Variants in TSNARE1 observed in about 807,000 individuals in gnomAD.
TSNARE1 encodes the protein t-SNARE domain-containing protein 1.
A neutral mutation model predicts 62.0 loss-of-function variants in TSNARE1; 49 were observed. That is an observed-to-expected ratio of 0.79 (90% CI 0.63 to 1.00). TSNARE1 has a LOEUF of 1.00. Among genes scored for constraint, TSNARE1 ranks in the 50% least tolerant of loss-of-function variants. The probability of loss-of-function intolerance (pLI) is 0.00; values close to 1 mark genes in which losing one functional copy is unlikely to be tolerated. For missense variants in TSNARE1, 755 were observed against 700.1 expected, an observed-to-expected ratio of 1.08 and a Z score of -0.88; for synonymous variants, 328 against 294.4, an observed-to-expected ratio of 1.11 and a Z score of -1.17.
At chr8:142,394,351 C>T (rs1837751375) in intron 1 of TSNARE1, among the ~76,000 whole-genome samples, 1 of 152,210 alleles carries the variant, frequency 6.6e-6, no homozygotes, top group African/African-American at 2.4e-5. Flanking sequence ...CTCTTACTCC[C>T]CATCTGTAAA....
Position 142,300,477 on chromosome 8 carries a change from C to T in TSNARE1, c.1290+9G>A, listed in dbSNP as rs770394476. 6.3e-7 allele frequency: 1 copy of T among 1,597,916 alleles called. No homozygotes were observed. Among genetic ancestry groups the T allele is most frequent in the East Asian group, 2.2e-5 (1 of 44,748 alleles). On this transcript the variant is annotated intron_variant, in intron 10 of 13. Coordinates refer to ENST00000524325, the MANE Select transcript of TSNARE1 (RefSeq NM_145003.5). ...GGAGAGTGAGCACGCTTGCCCACGCCAGCCTCACCTCCATCTGCAGGATGG... is the reference window on the plus strand; with the variant it reads ...GGAGAGTGAGCACGCTTGCCCACGCTAGCCTCACCTCCATCTGCAGGATGG...
At chr8:142,377,834 GT>G (rs1417302457) in intron 1 of TSNARE1, among the ~76,000 whole-genome samples, 2 of 152,238 alleles carry the variant, frequency 1.3e-5, no homozygotes, top group African/African-American at 4.8e-5. Flanking sequence ...AGCTGGAAAC[GT>G]CCTAAAGACT....
At chr8:142,336,153 C>T (rs1488961071) in intron 4 of TSNARE1, among the ~76,000 whole-genome samples, 2 of 151,928 alleles carry the variant, frequency 1.3e-5, no homozygotes, top group Non-Finnish European at 1.5e-5. Flanking sequence ...TGGTGATGTA[C>T]ACCTGCAGTC....
chr8:142,307,805 C>G (rs1437278909), intron 9 of TSNARE1, among the ~76,000 whole-genome samples: 1 of 152,168 alleles, frequency 6.6e-6, no homozygotes, highest in Non-Finnish European at 1.5e-5. Flanking sequence ...GAACAGTGTT[C>G]CAAAGTGGTG....
chr8:142,317,438 C>T (rs1477922554), intron 7 of TSNARE1, among the ~76,000 whole-genome samples: 2 of 149,706 alleles, frequency 1.3e-5, no homozygotes, highest in East Asian at 2.0e-4. Flanking sequence ...ACACATCAAG[C>T]GGGTGTGGGC....
At chr8:142,282,555 A>G (rs954545652) in intron 11 of TSNARE1, among the ~76,000 whole-genome samples, 122 of 112,784 alleles carry the variant, frequency 1.1e-3, no homozygotes, top group South Asian at 1.8e-3. Flanking sequence ...CAGAGGCGGG[A>G]CCAGTGTCTG....
chr8:142,280,318 C>T, intron 11 of TSNARE1: 1 of 985,396 alleles, frequency 1.0e-6, no homozygotes, highest in African/African-American at 1.7e-5. Context: ...TTTGCTGCTG[C>T]TGGACCCTGG....
At chr8:142,250,651 G>A (rs2130276833) in intron 12 of TSNARE1, among the ~76,000 whole-genome samples, 1 of 152,340 alleles carries the variant, frequency 6.6e-6, no homozygotes, top group African/African-American at 2.4e-5. Flanking sequence ...GCAGCAGCTA[G>A]GCAACAGGCG....
At position 142,310,110 on chromosome 8, in the gene TSNARE1, T is replaced by C. The variant is rs541208183; in HGVS notation, c.1131+4274A>G. Among the ~76,000 whole-genome samples the C allele has an allele frequency of 5.9e-5, 9 of 152,308 alleles. No homozygotes were observed. The South Asian group carries it at 1.9e-3, about 32-fold the overall frequency. Reference sequence around the variant, plus strand: ...TGGTAATCTGTATTTTCTTTTTCTATCTTGATTAATCTTGTAGGGGTTTAA... The same window carrying C: ...TGGTAATCTGTATTTTCTTTTTCTACCTTGATTAATCTTGTAGGGGTTTAA... On this transcript the variant is annotated intron_variant, in intron 9 of 13. Transcript: ENST00000524325.
intron 12 of TSNARE1, chr8:142,269,378 T>TG (rs1819320348): frequency 1.0e-6 from 1 of 960,798 alleles, no homozygotes; most frequent in South Asian, 4.8e-5. Flanking sequence ...GGGTGAAGGT[T>TG]GGGGCTCAGC....
chr8:142,237,361 G>T (rs2130149687), intron 12 of TSNARE1, among the ~76,000 whole-genome samples: 1 of 152,318 alleles, frequency 6.6e-6, no homozygotes, highest in Admixed American at 6.5e-5. Context: ...TGGGGTCAAT[G>T]ACTGGCACAC....
At chr8:142,265,675 G>GT (rs1819100902) in intron 12 of TSNARE1, among the ~76,000 whole-genome samples, 2 of 152,250 alleles carry the variant, frequency 1.3e-5, no homozygotes, top group Admixed American at 6.5e-5. Flanking sequence ...CTACAAAACT[G>GT]TTTTTCAGAG....
intron 4 of TSNARE1, 116 bp downstream of exon 4, chr8:142,343,850 G>C: frequency 1.2e-6 from 1 of 857,690 alleles, no homozygotes; most frequent in Non-Finnish European, 1.6e-6. Context: ...GGGAGGAAGA[G>C]GAGGAGGAGG....
At chr8:142,389,938 T>A (rs1042338758) in intron 1 of TSNARE1, among the ~76,000 whole-genome samples, 3 of 152,152 alleles carry the variant, frequency 2.0e-5, no homozygotes, top group Non-Finnish European at 4.4e-5. Context: ...TGGAGCCCAA[T>A]ACACACCCAG....
intron 12 of TSNARE1, among the ~76,000 whole-genome samples, chr8:142,253,832 GC>G (rs1818297296): frequency 6.6e-6 from 1 of 152,186 alleles, no homozygotes; most frequent in African/African-American, 2.4e-5. Context: ...GTTGTGTGTC[GC>G]CACCCTCATG....
At chr8:142,307,263 T>C (rs1826848834) in intron 9 of TSNARE1, among the ~76,000 whole-genome samples, 1 of 152,166 alleles carries the variant, frequency 6.6e-6, no homozygotes, top group South Asian at 2.1e-4. Context: ...TTGGCTGCTG[T>C]GGAGTCCCCC....
rs911309946 is a variant in TSNARE1, at chr8:142,270,282, G to A, written c.1446+4499C>T. 12 of 985,422 alleles carry A rather than the reference G, an allele frequency of 1.2e-5. No homozygotes were observed. The African/African-American group carries it at 2.1e-4, about 17-fold the overall frequency. 61.0% of individuals were successfully genotyped at this position (985,422 alleles called of 1,614,324 possible). ...GAAGGATCTGAAGACGCAGGGAAGT[G>A]CCCAGGCCCCCGCAGGGAGGCTGAA... On this transcript the variant is annotated intron_variant, in intron 12 of 13. Transcript: ENST00000524325.
rs1033689376 is a variant in TSNARE1 at position 142,300,648 on chromosome 8, CTGA to C, written c.1132-7_1132-5del. The C allele has an allele frequency of 1.9e-6, 3 of 1,611,392 alleles. No individual in the cohort carries two copies. The African/African-American group carries it at 4.0e-5, about 22-fold the overall frequency. ...CGGCAAACGGGGCCTGGGGACTCTG[CTGA>C]TGACAGACAGATCTTGTTAGCACTG... On this transcript the variant is annotated splice_polypyrimidine_tract_variant and splice_region_variant and intron_variant, in intron 9 of 13. Coordinates refer to ENST00000524325, the MANE Select transcript of TSNARE1 (RefSeq NM_145003.5).
At chr8:142,381,470 C>A (rs528080012) in intron 1 of TSNARE1, among the ~76,000 whole-genome samples, 1 of 151,692 alleles carries the variant, frequency 6.6e-6, no homozygotes, top group African/African-American at 2.4e-5. Context: ...CTATCAGCGC[C>A]CCCCCCCACC....
Sources: allele counts gnomAD v4.1 joint callset (sites outside exome capture counted in the v4.1 genomes callset), GRCh38; gene constraint gnomAD v4.1.1; transcripts MANE v1.5; gene names NCBI Gene and HGNC (gene_info 2026-07-23, HGNC 2026-07-21).